The following MED28 variants were observed in gnomAD, a reference collection of about 807,000 sequenced individuals.
The protein encoded by MED28 is mediator of RNA polymerase II transcription subunit 28.
In MED28, 26 loss-of-function variants were observed where a neutral mutation model predicts 21.3. The observed-to-expected ratio is 1.22, with a 90% CI of 0.89 to 1.69. MED28 has a LOEUF of 1.69. Ranked by LOEUF, MED28 falls within the 40% of genes most tolerant of loss-of-function variation. MED28 has a pLI of 0.00. For synonymous variants in MED28, 110 were observed against 87.6 expected (o/e 1.26, Z -1.43); for missense variants, 257 against 215.4 (o/e 1.19, Z -1.21).
Position 17,632,356 on chromosome 4 carries a change from T to G in MED28, c.*8558T>G. 3 of 472,316 alleles carry G rather than the reference T, an allele frequency of 6.4e-6. No homozygotes were observed. The highest frequency in any genetic ancestry group is 3.7e-5 in the East Asian group (1 of 27,392). The allele number at this position is 472,316 out of a possible 1,614,324, so 29.3% of individuals were successfully genotyped here. A position where few individuals can be genotyped will look rare whatever the true frequency, so the allele number is the denominator to read the frequency against. ...TCCCAAAGTGATGGGATTACAGGCG[T>G]GAGCTGCTGTGCCTGGCAGAACAGT... On this transcript the variant is annotated 3_prime_UTR_variant, in exon 4 of 4. Transcript: ENST00000237380.
At chr4:17,620,563 T>C (rs1206381549) in intron 2 of MED28, among the ~76,000 whole-genome samples, 1 of 152,144 alleles carries the variant, frequency 6.6e-6, no homozygotes, top group Non-Finnish European at 1.5e-5. Context: ...GAACTCCTGA[T>C]CTCTGGTGAT....
Position 17,629,596 on chromosome 4 carries a change from C to T in MED28, c.*5798C>T, listed in dbSNP as rs1714865695. On this transcript the variant is annotated 3_prime_UTR_variant, in exon 4 of 4. Coordinates refer to ENST00000237380, the MANE Select transcript of MED28 (RefSeq NM_025205.5). ...TGCAGGAACATATTAACTCTTCCAC[C>T]CCTGTCATAATACAGCCTGAAGAGA... is the stretch of plus-strand genomic sequence containing the variant. 1 of 152,070 alleles carries T rather than the reference C, an allele frequency of 6.6e-6. No homozygotes were observed. The highest frequency in any genetic ancestry group is 2.4e-5 in the African/African-American group (1 of 41,404). 9.4% of individuals were successfully genotyped at this position (152,070 alleles called of 1,614,324 possible).
chr4:17,623,608 C>A lies in MED28; in HGVS notation c.347C>A (p.Ser116Ter). 6.2e-7 allele frequency: 1 copy of A among 1,613,830 alleles called. No individual in the cohort carries two copies. The highest frequency in any genetic ancestry group is 1.1e-5 in the South Asian group (1 of 91,052). ...KPEQVIKEDV[S>*]ELRNELQRKD... ...CATGACTTTCATCTGCAGGATGTGT[C>A]AGAACTAAGGAATGAATTACAGCGG... The change falls in exon 4 of 4, where the codon TCA (serine) becomes TAA (stop). Residue 116 changes from serine (S) to a stop codon, truncating the protein, a stop_gained. Coordinates refer to ENST00000237380, the MANE Select transcript of MED28 (RefSeq NM_025205.5). LOFTEE classifies it high-confidence loss of function.
chr4:17,618,844 G>T (rs891318412), intron 1 of MED28, among the ~76,000 whole-genome samples: 1 of 152,206 alleles, frequency 6.6e-6, no homozygotes, highest in Admixed American at 6.5e-5. Flanking sequence ...CCAGCCAGGA[G>T]TCAATGTTCA....
In MED28 at chr4:17,625,788, G is replaced by C. The variant is rs1423200571; in HGVS notation, c.*1990G>C. 5.2e-6 allele frequency: 2 copies of C among 382,284 alleles called. No homozygotes were observed. Among genetic ancestry groups the C allele is most frequent in the Non-Finnish European group, 1.0e-5 (2 of 197,152 alleles). The allele number at this position is 382,284 out of a possible 1,614,324, so 23.7% of individuals were successfully genotyped here. ...AATGCCCTCTGCCAAGCACTGCTCTGGTACTGGGGAGTGGAGTATTATGTC... is the reference window on the plus strand; with the variant it reads ...AATGCCCTCTGCCAAGCACTGCTCTCGTACTGGGGAGTGGAGTATTATGTC... On this transcript the variant is annotated 3_prime_UTR_variant, in exon 4 of 4. Coordinates refer to ENST00000237380, the MANE Select transcript of MED28 (RefSeq NM_025205.5).
Position 17,623,643 on chromosome 4 carries a change from C to A in MED28, c.382C>A (p.Leu128Ile). 6.2e-7 allele frequency: 1 copy of A among 1,614,238 alleles called. No homozygotes were observed. Among genetic ancestry groups the A allele is most frequent in the Non-Finnish European group, 8.5e-7 (1 of 1,180,048 alleles). Residue 128 changes from leucine (L) to isoleucine (I), a missense_variant, in exon 4 of 4, where the codon CTA becomes ATA. Physicochemically the swap from Leu to Ile is conservative, Grantham distance 5. Coordinates refer to ENST00000237380, the MANE Select transcript of MED28 (RefSeq NM_025205.5). ...GAATGAATTACAGCGGAAAGATGCACTAGTCCAGAAGCACTTGACAAAGCT... is the reference window on the plus strand; with the variant it reads ...GAATGAATTACAGCGGAAAGATGCAATAGTCCAGAAGCACTTGACAAAGCT... ...LRNELQRKDA[L>I]VQKHLTKLRH...
chr4:17,620,020 G>A, intron 2 of MED28, 53 bp downstream of exon 2: 1 of 1,515,252 alleles, frequency 6.6e-7, no homozygotes, highest in African/African-American at 1.4e-5. Flanking sequence ...GTATTTCCTA[G>A]TTGCTAATTT....
intron 1 of MED28, 27 bp downstream of exon 1, chr4:17,614,840 C>G: frequency 6.4e-7 from 1 of 1,558,746 alleles, no homozygotes; most frequent in Non-Finnish European, 8.7e-7. Context: ...GCGTCTTTGT[C>G]CCTAGCCTTC....
chr4:17,623,812 G>A lies in MED28; in HGVS notation c.*14G>A. ...AAGCCAACGTGAGCAAAGGGCAGAGGCAGTTGGCCTATGAGTGGGCTGATG... is the reference window on the plus strand; with the variant it reads ...AAGCCAACGTGAGCAAAGGGCAGAGACAGTTGGCCTATGAGTGGGCTGATG... On this transcript the variant is annotated 3_prime_UTR_variant, in exon 4 of 4. Transcript: ENST00000237380. 6.2e-7 allele frequency: 1 copy of A among 1,609,456 alleles called. No homozygotes were observed. Among genetic ancestry groups the A allele is most frequent in the Non-Finnish European group, 8.5e-7 (1 of 1,177,496 alleles).
chr4:17,617,998 TTTTTC>T lies in MED28; in HGVS notation c.160-1888_160-1884del, dbSNP rs1200482224. Reference sequence around the variant, plus strand: ...TCTATAAAGGCCTGTGTATCTTTTTTTTTTCTTTTCTTTTCTTTTTTTTTTTTTTT... The same window carrying T: ...TCTATAAAGGCCTGTGTATCTTTTTTTTTTCTTTTCTTTTTTTTTTTTTTT... On this transcript the variant is annotated intron_variant, in intron 1 of 3. Coordinates refer to ENST00000237380, the MANE Select transcript of MED28 (RefSeq NM_025205.5). 1.5e-4 allele frequency among the ~76,000 whole-genome samples: 22 copies of T among 144,360 alleles called. No homozygotes were observed. In the East Asian group the frequency reaches 3.9e-3, roughly 26 times the overall value. The allele number at this position is 144,360 out of a possible 152,430, so 94.7% of individuals were successfully genotyped here. A position where few individuals can be genotyped will look rare whatever the true frequency, so the allele number is the denominator to read the frequency against.
intron 1 of MED28, among the ~76,000 whole-genome samples, chr4:17,618,747 CTGCCTTCCTAGTTAGGA>C (rs372833728): frequency 0.61 from 92,835 of 151,978 alleles, 28,882 homozygotes; most frequent in East Asian, 0.89. Context: ...CTTCGTGGAT[CTGCCTTCCTAGTTAGGA>C]TCCTGACTTC....
chr4:17,633,404 A>T lies in MED28; in HGVS notation c.*9606A>T. Reference sequence around the variant, plus strand: ...AGGTGCTGTATTATCTTAATTTTAAAGGCAAGGTATATGGAGACCTGGAGA... The same window carrying T: ...AGGTGCTGTATTATCTTAATTTTAATGGCAAGGTATATGGAGACCTGGAGA... On this transcript the variant is annotated 3_prime_UTR_variant, in exon 4 of 4. Transcript: ENST00000237380. The T allele has an allele frequency of 3.8e-6, 1 of 264,518 alleles. No individual in the cohort carries two copies. The highest frequency in any genetic ancestry group is 7.0e-6 in the Non-Finnish European group (1 of 141,898). 16.4% of individuals were successfully genotyped at this position (264,518 alleles called of 1,614,324 possible). A position where few individuals can be genotyped will look rare whatever the true frequency, so the allele number is the denominator to read the frequency against.
intron 2 of MED28, among the ~76,000 whole-genome samples, chr4:17,621,132 A>G (rs1357633308): frequency 1.3e-5 from 2 of 149,976 alleles, no homozygotes; most frequent in African/African-American, 4.9e-5. Flanking sequence ...CTTCTGCCTC[A>G]GCCTCTTGAG....
chr4:17,631,796 C>T lies in MED28; in HGVS notation c.*7998C>T, dbSNP rs1365474448. 6.6e-6 allele frequency: 1 copy of T among 152,062 alleles called. No homozygotes were observed. The highest frequency in any genetic ancestry group is 1.5e-5 in the Non-Finnish European group (1 of 68,022). The allele number at this position is 152,062 out of a possible 1,614,324, so 9.4% of individuals were successfully genotyped here. A position where few individuals can be genotyped will look rare whatever the true frequency, so the allele number is the denominator to read the frequency against. On this transcript the variant is annotated 3_prime_UTR_variant, in exon 4 of 4. Coordinates refer to ENST00000237380, the MANE Select transcript of MED28 (RefSeq NM_025205.5). ...TTCCTGTTTAACTGTTATTTGTCTT[C>T]CTATTGAGGTTAGATGTGCATTTTG...
chr4:17,618,526 G>GT (rs1196801468), intron 1 of MED28, among the ~76,000 whole-genome samples: 12 of 151,082 alleles, frequency 7.9e-5, no homozygotes, highest in Non-Finnish European at 1.5e-4. Context: ...GTCAACTTTC[G>GT]TTTTTTTTGA....
chr4:17,620,458 C>A (rs768045113), intron 2 of MED28, among the ~76,000 whole-genome samples: 1 of 151,712 alleles, frequency 6.6e-6, no homozygotes, highest in Non-Finnish European at 1.5e-5. Context: ...CTCAGCCTCC[C>A]GCGTAGATGG....
At chr4:17,618,714 C>G (rs1314860163) in intron 1 of MED28, among the ~76,000 whole-genome samples, 1 of 151,516 alleles carries the variant, frequency 6.6e-6, no homozygotes, top group African/African-American at 2.4e-5. Context: ...GATGGGGCTT[C>G]ACCGTGTTAG....
At position 17,630,108 on chromosome 4, in the gene MED28, T is replaced by C. The variant is rs1051547477; in HGVS notation, c.*6310T>C. The C allele has an allele frequency of 6.6e-6, 1 of 152,142 alleles. No homozygotes were observed. Among genetic ancestry groups the C allele is most frequent in the Non-Finnish European group, 1.5e-5 (1 of 68,028 alleles). The allele number at this position is 152,142 out of a possible 1,614,324, so 9.4% of individuals were successfully genotyped here. A position where few individuals can be genotyped will look rare whatever the true frequency, so the allele number is the denominator to read the frequency against. Reference sequence around the variant, plus strand: ...TATGTACGATCTCAACTAGTAAAATTTTCTCCTTGCCCAGGGATCATGCTG... The same window carrying C: ...TATGTACGATCTCAACTAGTAAAATCTTCTCCTTGCCCAGGGATCATGCTG... On this transcript the variant is annotated 3_prime_UTR_variant, in exon 4 of 4. Coordinates refer to ENST00000237380, the MANE Select transcript of MED28 (RefSeq NM_025205.5).
Position 17,625,559 on chromosome 4 carries a change from A to G in MED28, c.*1761A>G, listed in dbSNP as rs1288080267. ...ATCCTATTTGGTGCTTAGTGAAAAG[A>G]TTTTGAATTACTGTACGTACCAGTT... On this transcript the variant is annotated 3_prime_UTR_variant, in exon 4 of 4. Coordinates refer to ENST00000237380, the MANE Select transcript of MED28 (RefSeq NM_025205.5). 3 of 366,856 alleles carry G rather than the reference A, an allele frequency of 8.2e-6. No homozygotes were observed. The highest frequency in any genetic ancestry group is 1.6e-5 in the Non-Finnish European group (3 of 189,066). The allele number at this position is 366,856 out of a possible 1,614,324, so 22.7% of individuals were successfully genotyped here.
Sources: gnomAD v4.1 joint callset for allele counts (sites outside exome capture counted in the v4.1 genomes callset) on GRCh38, gnomAD v4.1.1 for gene constraint, MANE v1.5 for transcripts, NCBI Gene and HGNC (gene_info 2026-07-23, HGNC 2026-07-21) for gene names.